The following ROBO2 variants were observed in gnomAD, a reference collection of about 807,000 sequenced individuals.
The protein encoded by ROBO2 is roundabout homolog 2.
ROBO2 carries 53 observed loss-of-function variants against 160.8 expected under a neutral mutation model. The observed-to-expected ratio is 0.33, with a 90% CI of 0.26 to 0.41. ROBO2 has a LOEUF of 0.41. Among genes scored for constraint, ROBO2 ranks in the 10% least tolerant of loss-of-function variants. The pLI is 1.00. For synonymous variants in ROBO2, 664 were observed against 611.7 expected (o/e 1.09, Z -1.26); for missense variants, 1,577 against 1,722.4 (o/e 0.92, Z 1.49).
chr3:76,595,134 C>T (rs891632404), intron 2 of ROBO2, among the ~76,000 whole-genome samples: 4 of 151,902 alleles, frequency 2.6e-5, no homozygotes, highest in Non-Finnish European at 5.9e-5. Context: ...GCACACTGAT[C>T]TTGGAATACC....
At chr3:76,107,555 A>C (rs770907758) in intron 2 of ROBO2, among the ~76,000 whole-genome samples, 1 of 152,042 alleles carries the variant, frequency 6.6e-6, no homozygotes, top group Non-Finnish European at 1.5e-5. Context: ...TTACATTTGC[A>C]TAGCATTTTT....
At chr3:76,565,012 C>T (rs1352930497) in intron 2 of ROBO2, among the ~76,000 whole-genome samples, 1 of 152,160 alleles carries the variant, frequency 6.6e-6, no homozygotes, top group Admixed American at 6.5e-5. Context: ...AAAAAGTTTT[C>T]AGACCATGGT....
intron 2 of ROBO2, among the ~76,000 whole-genome samples, chr3:76,250,162 A>T (rs957080579): frequency 6.6e-6 from 1 of 152,086 alleles, no homozygotes; most frequent in African/African-American, 2.4e-5. Context: ...AAAAATATAC[A>T]AAAACAAGCA....
chr3:77,259,577 T>A (rs2058648968), intron 2 of ROBO2, among the ~76,000 whole-genome samples: 1 of 152,184 alleles, frequency 6.6e-6, no homozygotes, highest in South Asian at 2.1e-4. Context: ...ACTTAGTATT[T>A]GGAAGTAAAA....
At position 76,337,858 on chromosome 3, in the gene ROBO2, G is replaced by C. The variant is rs150703548; in HGVS notation, c.109+400256G>C. Among the ~76,000 whole-genome samples, 14 of 152,138 alleles carry C rather than the reference G, an allele frequency of 9.2e-5. No homozygotes were observed. In the East Asian group the frequency reaches 9.7e-4, roughly 11 times the overall value. ...AATTCTATTGTTAATAAAACCCAAC[G>C]TTCAAAAGTAATAAAATTGATGAGG... On this transcript the variant is annotated intron_variant, in intron 2 of 26. Coordinates refer to the ROBO2 transcript ENST00000487694.
chr3:77,223,376 T>C (rs1049506282), intron 2 of ROBO2, among the ~76,000 whole-genome samples: 1 of 151,914 alleles, frequency 6.6e-6, no homozygotes, highest in East Asian at 1.9e-4. Flanking sequence ...ATGGTTAACT[T>C]ATTTTCCTAG....
chr3:76,749,261 T>C (rs1014736321), intron 2 of ROBO2, among the ~76,000 whole-genome samples: 1 of 151,772 alleles, frequency 6.6e-6, no homozygotes, highest in African/African-American at 2.4e-5. Flanking sequence ...TAGAAAAAAA[T>C]AGAATTTTTT....
chr3:76,745,980 CT>C (rs1290564234), intron 2 of ROBO2, among the ~76,000 whole-genome samples: 7 of 115,348 alleles, frequency 6.1e-5, no homozygotes, highest in Admixed American at 5.2e-4. Context: ...CTATCCCTCC[CT>C]CCTTCCCCCA....
intron 2 of ROBO2, among the ~76,000 whole-genome samples, chr3:76,111,951 A>G (rs1291315130): frequency 6.6e-6 from 1 of 152,114 alleles, no homozygotes; most frequent in Non-Finnish European, 1.5e-5. Flanking sequence ...ATGGGCACAG[A>G]TAATTAGCCA....
chr3:76,423,276 C>T (rs749168651), intron 2 of ROBO2, among the ~76,000 whole-genome samples: 31 of 152,186 alleles, frequency 2.0e-4, no homozygotes, highest in South Asian at 1.7e-3. Flanking sequence ...CGCTCCATAA[C>T]TAGCTCAGGT....
chr3:76,605,473 A>C (rs1253528758), intron 2 of ROBO2, among the ~76,000 whole-genome samples: 1 of 152,180 alleles, frequency 6.6e-6, no homozygotes, highest in Non-Finnish European at 1.5e-5. Context: ...GAAGTGTCAA[A>C]AACTAACAAT....
At chr3:76,977,661 G>A (rs1055755575) in intron 2 of ROBO2, among the ~76,000 whole-genome samples, 2 of 152,076 alleles carry the variant, frequency 1.3e-5, no homozygotes, top group Non-Finnish European at 2.9e-5. Context: ...TCTGATAAGA[G>A]GAAAGCTATA....
chr3:76,776,584 C>T (rs1252433015), intron 2 of ROBO2, among the ~76,000 whole-genome samples: 2 of 150,838 alleles, frequency 1.3e-5, no homozygotes, highest in Non-Finnish European at 3.0e-5. Context: ...TTTTTCATAG[C>T]TCATTCCCCA....
chr3:76,820,151 A>C (rs1322485531), intron 2 of ROBO2, among the ~76,000 whole-genome samples: 1 of 152,090 alleles, frequency 6.6e-6, no homozygotes. Flanking sequence ...TTTGATTCAC[A>C]GTGATTTGAA....
chr3:75,922,467 TCAG>T (rs1044731626), intron 1 of ROBO2, among the ~76,000 whole-genome samples: 28 of 152,078 alleles, frequency 1.8e-4, no homozygotes, highest in African/African-American at 6.3e-4. Context: ...AAATATCTAA[TCAG>T]CAGCAAGTGT....
chr3:77,377,413 A>G (rs899385089), intron 2 of ROBO2, among the ~76,000 whole-genome samples: 1 of 152,194 alleles, frequency 6.6e-6, no homozygotes, highest in African/African-American at 2.4e-5. Flanking sequence ...ACAAATATTG[A>G]TATACTATAC....
intron 2 of ROBO2, among the ~76,000 whole-genome samples, chr3:76,718,231 A>G (rs988076053): frequency 1.3e-5 from 2 of 152,234 alleles, no homozygotes; most frequent in African/African-American, 4.8e-5. Flanking sequence ...AGAAGCACAG[A>G]TGCAAGCTTA....
intron 2 of ROBO2, among the ~76,000 whole-genome samples, chr3:77,179,060 A>G (rs1461839624): frequency 1.3e-5 from 2 of 152,068 alleles, no homozygotes; most frequent in Admixed American, 6.6e-5. Context: ...TACTATATAT[A>G]TTCCTCTTAT....
At chr3:76,459,678 C>T (rs1042593864) in intron 2 of ROBO2, among the ~76,000 whole-genome samples, 3 of 152,094 alleles carry the variant, frequency 2.0e-5, no homozygotes, top group Non-Finnish European at 4.4e-5. Flanking sequence ...TGTAATAAGA[C>T]ATATACTCCA....
Sources: gnomAD v4.1 joint callset for allele counts (sites outside exome capture counted in the v4.1 genomes callset) on GRCh38, gnomAD v4.1.1 for gene constraint, MANE v1.5 for transcripts, NCBI Gene and HGNC (gene_info 2026-07-23, HGNC 2026-07-21) for gene names.